PTPRD: variants seen among roughly 807,000 people sequenced by gnomAD.
PTPRD encodes the protein protein tyrosine phosphatase receptor type D.
Under a neutral mutation model 214.5 loss-of-function variants are expected in PTPRD, and 34 were observed. The observed-to-expected ratio is 0.16, with a 90% CI of 0.12 to 0.21. PTPRD has a LOEUF of 0.21. Ranked by LOEUF, PTPRD falls within the 10% of genes least tolerant of loss-of-function variation. PTPRD has a pLI of 1.00. For synonymous variants in PTPRD, 1,128 were observed against 845.7 expected, an observed-to-expected ratio of 1.33 and a Z score of -5.79; for missense variants, 2,545 against 2,398.7, an observed-to-expected ratio of 1.06 and a Z score of -1.27.
chr9:8,639,069 G>A (rs565457850), intron 12 of PTPRD, among the ~76,000 whole-genome samples: 19 of 152,140 alleles, frequency 1.2e-4, no homozygotes, highest in African/African-American at 7.2e-5. Context: ...TCTCGATCTC[G>A]TCACCTCGTG....
intron 8 of PTPRD, among the ~76,000 whole-genome samples, chr9:9,405,727 T>C (rs2073031742): frequency 6.6e-6 from 1 of 152,018 alleles, no homozygotes; most frequent in Non-Finnish European, 1.5e-5. Context: ...CGAATTTTTA[T>C]CCTGTACCTT....
intron 3 of PTPRD, among the ~76,000 whole-genome samples, chr9:10,150,588 G>A (rs2099054229): frequency 6.6e-6 from 1 of 150,796 alleles, no homozygotes; most frequent in South Asian, 2.1e-4. Flanking sequence ...CAGCACACCA[G>A]CACAGCACAT....
intron 10 of PTPRD, among the ~76,000 whole-genome samples, chr9:9,057,266 T>G (rs1302362279): frequency 6.6e-6 from 1 of 152,198 alleles, no homozygotes; most frequent in African/African-American, 2.4e-5. Context: ...GTCTATTCTT[T>G]CTAGGGACTG....
intron 10 of PTPRD, among the ~76,000 whole-genome samples, chr9:9,071,354 T>G (rs2099743463): frequency 6.6e-6 from 1 of 152,178 alleles, no homozygotes; most frequent in Non-Finnish European, 1.5e-5. Context: ...TAGGTTGATT[T>G]TGAGTTAGTC....
At position 10,121,979 on chromosome 9, in the gene PTPRD, A is replaced by G. The variant is rs147635875; in HGVS notation, c.-544-88189T>C. ...ATCTCACACTCAGTGTATTTCTGAG[A>G]TGTTCACAATAGCTTCGGGCTTTTA... is the stretch of plus-strand genomic sequence containing the variant. On this transcript the variant is annotated intron_variant, in intron 3 of 45. Coordinates refer to ENST00000381196, the MANE Select transcript of PTPRD (RefSeq NM_002839.4). 2.7e-3 allele frequency among the ~76,000 whole-genome samples: 417 copies of G among 152,284 alleles called. 1 individual carries two copies. Among genetic ancestry groups the G allele is most frequent in the African/African-American group, 9.3e-3 (388 of 41,566 alleles).
chr9:8,545,909 C>T (rs1200124339), intron 14 of PTPRD, among the ~76,000 whole-genome samples: 1 of 152,220 alleles, frequency 6.6e-6, no homozygotes, highest in Non-Finnish European at 1.5e-5. Flanking sequence ...AAACTTTATA[C>T]AAACTCTAGC....
At chr9:8,764,664 G>A (rs1351017653) in intron 11 of PTPRD, among the ~76,000 whole-genome samples, 2 of 151,944 alleles carry the variant, frequency 1.3e-5, no homozygotes, top group Middle Eastern at 3.2e-3. Flanking sequence ...GTATAGTGGT[G>A]CGTGCCTGTA....
At chr9:10,487,235 T>G (rs1218309455) in intron 2 of PTPRD, among the ~76,000 whole-genome samples, 1 of 152,122 alleles carries the variant, frequency 6.6e-6, no homozygotes, top group Admixed American at 6.5e-5. Context: ...TGGGTCTTCT[T>G]TTTCTATCCA....
intron 14 of PTPRD, among the ~76,000 whole-genome samples, chr9:8,541,135 G>A (rs957167135): frequency 1.3e-5 from 2 of 152,112 alleles, no homozygotes; most frequent in Non-Finnish European, 2.9e-5. Context: ...ACAGATCTAT[G>A]GGGAAACATT....
intron 3 of PTPRD, among the ~76,000 whole-genome samples, chr9:10,048,968 G>A (rs1309974431): frequency 6.6e-6 from 1 of 152,088 alleles, no homozygotes; most frequent in Non-Finnish European, 1.5e-5. Flanking sequence ...GAGTGATTAG[G>A]GAGGAGCCCT....
At chr9:10,459,056 C>A (rs112531810) in intron 2 of PTPRD, among the ~76,000 whole-genome samples, 7 of 151,952 alleles carry the variant, frequency 4.6e-5, no homozygotes, top group Admixed American at 2.6e-4. Flanking sequence ...CCTAGCCCCC[C>A]ATCCATGACA....
intron 8 of PTPRD, among the ~76,000 whole-genome samples, chr9:9,553,330 A>G (rs1029343776): frequency 1.3e-5 from 2 of 152,110 alleles, no homozygotes; most frequent in African/African-American, 4.8e-5. Context: ...CTTATTAATA[A>G]TATTCATTGC....
In PTPRD at chr9:8,681,930, A is replaced by T. The variant is rs1210687394; in HGVS notation, c.65-45086T>A. Among the ~76,000 whole-genome samples, 25 of 152,316 alleles carry T rather than the reference A, an allele frequency of 1.6e-4. 2 individuals carry two copies. In the East Asian group the frequency reaches 2.9e-3, roughly 18 times the overall value. On this transcript the variant is annotated intron_variant, in intron 12 of 45. Coordinates refer to ENST00000381196, the MANE Select transcript of PTPRD (RefSeq NM_002839.4). ...ATTACTTCAGCTCTAAAAGGTGCTGAACAACCGACTACGGTAGGAGAAGAC... is the reference window on the plus strand; with the variant it reads ...ATTACTTCAGCTCTAAAAGGTGCTGTACAACCGACTACGGTAGGAGAAGAC...
chr9:8,328,273 A>T lies in PTPRD; in HGVS notation c.5534+3309T>A, dbSNP rs187529866. On this transcript the variant is annotated intron_variant, in intron 44 of 45. Coordinates refer to ENST00000381196, the MANE Select transcript of PTPRD (RefSeq NM_002839.4). The stretch of plus-strand genomic sequence containing the variant: ...AAAGGATTTTATTTCTCCTTCACTT[A>T]TGAAGCTTAGTTTGGCTGGATATGA... Among the ~76,000 whole-genome samples the T allele has an allele frequency of 7.2e-5, 11 of 152,278 alleles. No individual in the cohort carries two copies. In the East Asian group the frequency reaches 2.1e-3, roughly 29 times the overall value.
chr9:9,637,614 G>C (rs1403605078), intron 7 of PTPRD, among the ~76,000 whole-genome samples: 1 of 152,210 alleles, frequency 6.6e-6, no homozygotes, highest in African/African-American at 2.4e-5. Flanking sequence ...TCTGGGTGCA[G>C]ACCATGCTTT....
chr9:9,944,505 T>C (rs2092243636), intron 4 of PTPRD, among the ~76,000 whole-genome samples: 1 of 152,080 alleles, frequency 6.6e-6, no homozygotes, highest in African/African-American at 2.4e-5. Flanking sequence ...ATAAAAAGAT[T>C]AATAAAAAGA....
intron 9 of PTPRD, among the ~76,000 whole-genome samples, chr9:9,369,928 C>T (rs953502710): frequency 5.9e-5 from 9 of 151,862 alleles, no homozygotes; most frequent in South Asian, 2.1e-4. Context: ...TGTAGATACG[C>T]GGCATTATTT....
chr9:9,099,467 AG>A (rs2099788306), intron 10 of PTPRD, among the ~76,000 whole-genome samples: 1 of 152,138 alleles, frequency 6.6e-6, no homozygotes, highest in Non-Finnish European at 1.5e-5. Context: ...TTATTTTACA[AG>A]GCGATACTTT....
intron 3 of PTPRD, among the ~76,000 whole-genome samples, chr9:10,158,161 C>A (rs1211825646): frequency 2.0e-5 from 3 of 151,982 alleles, no homozygotes; most frequent in Admixed American, 6.6e-5. Context: ...GGTGCCCCCA[C>A]CACACCCAAC....
Sources: allele counts gnomAD v4.1 joint callset (sites outside exome capture counted in the v4.1 genomes callset), GRCh38; gene constraint gnomAD v4.1.1; transcripts MANE v1.5; gene names NCBI Gene and HGNC (gene_info 2026-07-23, HGNC 2026-07-21).